The following MPPED1 variants were observed in gnomAD, a reference collection of about 807,000 sequenced individuals.
The protein encoded by MPPED1 is metallophosphoesterase domain containing 1, also known as metallophosphoesterase domain-containing protein 1.
A neutral mutation model predicts 36.2 loss-of-function variants in MPPED1; 16 were observed. The ratio of observed to expected loss-of-function variants is 0.44; its 90% CI spans 0.30 to 0.67. MPPED1 has a LOEUF of 0.67. MPPED1 is among the 30% of genes least tolerant of loss of function. The probability of loss-of-function intolerance (pLI) is 0.10; values close to 1 mark genes in which losing one functional copy is unlikely to be tolerated. For missense variants in MPPED1, 307 were observed against 453.4 expected (o/e 0.68, Z 2.93); for synonymous variants, 199 against 191.3 (o/e 1.04, Z -0.33).
At chr22:43,484,548 C>T (rs1931850275) in intron 4 of MPPED1, among the ~76,000 whole-genome samples, 2 of 152,252 alleles carry the variant, frequency 1.3e-5, no homozygotes, top group Admixed American at 1.3e-4. Context: ...GTCCTGAGCA[C>T]TGGGTCCTGC....
At chr22:43,417,007 A>G (rs1266881783) in intron 1 of MPPED1, 2 of 985,326 alleles carry the variant, frequency 2.0e-6, no homozygotes, top group Non-Finnish European at 1.2e-6. Flanking sequence ...CAGACAGGAC[A>G]TGATCCAGTA....
At chr22:43,426,209 C>T (rs1404528074) in intron 2 of MPPED1, among the ~76,000 whole-genome samples, 1 of 152,108 alleles carries the variant, frequency 6.6e-6, no homozygotes, top group Non-Finnish European at 1.5e-5. Flanking sequence ...CGGGGCTCTC[C>T]TTGCTGGGCC....
intron 4 of MPPED1, among the ~76,000 whole-genome samples, chr22:43,483,960 G>T (rs957079915): frequency 4.6e-5 from 7 of 152,362 alleles, no homozygotes; most frequent in Non-Finnish European, 8.8e-5. Context: ...TTTTCCTGAA[G>T]CCCTCTGGGG....
chr22:43,445,963 T>C (rs1041018000), intron 3 of MPPED1, among the ~76,000 whole-genome samples: 1 of 143,930 alleles, frequency 6.9e-6, no homozygotes, highest in Non-Finnish European at 1.5e-5. Flanking sequence ...CTCAACCTCC[T>C]GGGATCAGGT....
intron 2 of MPPED1, among the ~76,000 whole-genome samples, chr22:43,427,825 C>T (rs1048301033): frequency 6.6e-6 from 1 of 152,042 alleles, no homozygotes; most frequent in Admixed American, 6.6e-5. Flanking sequence ...CCTTGGATGG[C>T]GCATGCGCTC....
chr22:43,489,148 T>G (rs1602009453), intron 4 of MPPED1, among the ~76,000 whole-genome samples: 1 of 152,268 alleles, frequency 6.6e-6, no homozygotes, highest in East Asian at 1.9e-4. Context: ...CTGCCAGGTC[T>G]GCCAGGTCTC....
rs572443592 is a variant in MPPED1, at chr22:43,488,417, C to T, written c.633-9818C>T. On this transcript the variant is annotated intron_variant, in intron 4 of 6. Transcript: ENST00000443721. ...CTCGGCTTCTGCCATTTCCTATAGA[C>T]GAGTGTCTCCCCGCTTCCCTGTTTG... 2.5e-4 allele frequency among the ~76,000 whole-genome samples: 38 copies of T among 152,294 alleles called. 1 individual carries two copies. Among genetic ancestry groups the T allele is most frequent in the Middle Eastern group, 3.4e-3 (1 of 292 alleles).
intron 4 of MPPED1, among the ~76,000 whole-genome samples, chr22:43,475,834 GTGATGGTGATAA>G (rs1931553905): frequency 6.6e-6 from 1 of 151,066 alleles, no homozygotes; most frequent in Non-Finnish European, 1.5e-5. Context: ...ATTGAGGGTA[GTGATGGTGATAA>G]TGATGGTGAT....
At chr22:43,434,371 A>G (rs532710136) in intron 2 of MPPED1, among the ~76,000 whole-genome samples, 43 of 152,236 alleles carry the variant, frequency 2.8e-4, no homozygotes, top group African/African-American at 1.0e-3. Flanking sequence ...CATTCTCCTG[A>G]AACTCCCCCT....
At chr22:43,468,816 G>A (rs1931262901) in intron 3 of MPPED1, among the ~76,000 whole-genome samples, 1 of 152,088 alleles carries the variant, frequency 6.6e-6, no homozygotes, top group South Asian at 2.1e-4. Flanking sequence ...GGAAGAAGGT[G>A]GGCATTCAGC....
intron 3 of MPPED1, among the ~76,000 whole-genome samples, chr22:43,449,184 C>T (rs2146851695): frequency 6.6e-6 from 1 of 152,290 alleles, no homozygotes; most frequent in East Asian, 1.9e-4. Flanking sequence ...CACACGGGGG[C>T]TTAACAGCAA....
intron 3 of MPPED1, among the ~76,000 whole-genome samples, chr22:43,460,189 G>C (rs569760126): frequency 6.6e-6 from 1 of 151,096 alleles, no homozygotes; most frequent in South Asian, 2.1e-4. Context: ...CCTGGCGACA[G>C]AGTGAGACTC....
At chr22:43,472,910 T>C (rs1391299945) in intron 3 of MPPED1, among the ~76,000 whole-genome samples, 2 of 152,198 alleles carry the variant, frequency 1.3e-5, no homozygotes, top group Admixed American at 1.3e-4. Flanking sequence ...TTATAGGACA[T>C]GTACTGCTGT....
At chr22:43,465,631 T>C (rs897433741) in intron 3 of MPPED1, among the ~76,000 whole-genome samples, 13 of 152,076 alleles carry the variant, frequency 8.5e-5, no homozygotes, top group African/African-American at 1.2e-4. Flanking sequence ...TGGGTGCTTG[T>C]TGGGGGGCAC....
At chr22:43,488,092 G>T (rs185189937) in intron 4 of MPPED1, among the ~76,000 whole-genome samples, 2 of 152,092 alleles carry the variant, frequency 1.3e-5, no homozygotes, top group Non-Finnish European at 2.9e-5. Flanking sequence ...GCCTCTCTTG[G>T]GGGGGTGTGA....
Position 43,436,057 on chromosome 22 carries a change from G to A in MPPED1, c.406+842G>A, listed in dbSNP as rs138169627. Among the ~76,000 whole-genome samples the A allele has an allele frequency of 2.5e-3, 378 of 152,298 alleles. 2 individuals carry two copies. The highest frequency in any genetic ancestry group is 0.014 in the Middle Eastern group (4 of 294). On this transcript the variant is annotated intron_variant, in intron 3 of 6. Coordinates refer to ENST00000443721, the MANE Select transcript of MPPED1 (RefSeq NM_001044370.2). The stretch of plus-strand genomic sequence containing the variant: ...AGCAGAGCCCTTTCCCATGCACTGC[G>A]CCATGGTGGGTGATGACTTATAAGC...
chr22:43,461,509 T>C (rs1397273308), intron 3 of MPPED1, among the ~76,000 whole-genome samples: 1 of 152,212 alleles, frequency 6.6e-6, no homozygotes, highest in African/African-American at 2.4e-5. Context: ...TTGTTGACTT[T>C]GTGGAGGACC....
chr22:43,491,689 AGGT>A (rs994783266), intron 4 of MPPED1, among the ~76,000 whole-genome samples: 8 of 70,540 alleles, frequency 1.1e-4, no homozygotes, highest in South Asian at 4.8e-4. Flanking sequence ...GTGGTTATGG[AGGT>A]GGTGGTGGTG....
intron 3 of MPPED1, among the ~76,000 whole-genome samples, chr22:43,458,522 G>C (rs539813182): frequency 6.6e-6 from 1 of 152,204 alleles, no homozygotes; most frequent in Non-Finnish European, 1.5e-5. Flanking sequence ...CTGACCTCGT[G>C]ATCCGCCCGC....
Sources: gnomAD v4.1 joint callset for allele counts (sites outside exome capture counted in the v4.1 genomes callset) on GRCh38, gnomAD v4.1.1 for gene constraint, MANE v1.5 for transcripts, NCBI Gene and HGNC (gene_info 2026-07-23, HGNC 2026-07-21) for gene names.